ITPR1: variants seen among roughly 807,000 people sequenced by gnomAD.
ITPR1 encodes the protein inositol 1,4,5-trisphosphate-gated calcium channel ITPR1.
Under a neutral mutation model 318.4 loss-of-function variants are expected in ITPR1, and 96 were observed. That is an observed-to-expected ratio of 0.30 (90% CI 0.26 to 0.36). ITPR1 has a LOEUF of 0.36. Ranked by LOEUF, ITPR1 falls within the 10% of genes least tolerant of loss-of-function variation. ITPR1 has a pLI of 1.00. For synonymous variants in ITPR1, 1,312 were observed against 1,289.9 expected (o/e 1.02, Z -0.37); for missense variants, 2,440 against 3,460.2 (o/e 0.71, Z 7.40).
At chr3:4,586,011 C>A (rs575688191) in intron 4 of ITPR1, among the ~76,000 whole-genome samples, 66 of 144,652 alleles carry the variant, frequency 4.6e-4, no homozygotes, top group Admixed American at 1.6e-3. Flanking sequence ...TGAGTGAGAA[C>A]ATGTAGTGTT....
chr3:4,567,930 G>A (rs1460088287), intron 4 of ITPR1, among the ~76,000 whole-genome samples: 1 of 152,162 alleles, frequency 6.6e-6, no homozygotes, highest in Non-Finnish European at 1.5e-5. Flanking sequence ...AGGTGTGAGA[G>A]GTTCAATGAT....
Position 4,702,831 on chromosome 3 carries a change from C to G in ITPR1, c.4538C>G (p.Thr1513Ser). The change falls in exon 36 of 62, where the codon ACT becomes AGT. Residue 1513 changes from threonine to serine, a missense_variant and splice_region_variant. Thr to Ser is a moderately conservative substitution (Grantham distance 58, BLOSUM62 1). Transcript: ENST00000649015. ...PFSDQSTTLQ[T>S]RQPVFVQLLQ... ...GTTGCCTCTTTTGGCTTCTTGCAGA[C>G]TCGCCAGCCTGTCTTTGTGCAACTG... The G allele has an allele frequency of 6.2e-7, 1 of 1,613,594 alleles. No homozygotes were observed. The highest frequency in any genetic ancestry group is 8.5e-7 in the Non-Finnish European group (1 of 1,179,706).
intron 44 of ITPR1, among the ~76,000 whole-genome samples, chr3:4,743,324 CAA>C (rs1280443273): frequency 6.6e-6 from 1 of 152,212 alleles, no homozygotes; most frequent in African/African-American, 2.4e-5. Context: ...GCTCAAAATT[CAA>C]AAGTCGTTAC....
intron 48 of ITPR1, among the ~76,000 whole-genome samples, chr3:4,777,810 A>C (rs1043159536): frequency 2.0e-5 from 3 of 152,154 alleles, no homozygotes; most frequent in Non-Finnish European, 4.4e-5. Context: ...ACCCAAAAAA[A>C]CAAACATGTA....
chr3:4,708,651 T>C lies in ITPR1; in HGVS notation c.4843-1674T>C, dbSNP rs185806022. ...TCAAACATGCTGGTTTCTTGTGCTC[T>C]TCTTAGATTTATTATGCATATTCTT... On this transcript the variant is annotated intron_variant, in intron 37 of 61. Coordinates refer to ENST00000649015, the MANE Select transcript of ITPR1 (RefSeq NM_001378452.1). Among the ~76,000 whole-genome samples, 223 of 152,284 alleles carry C rather than the reference T, an allele frequency of 1.5e-3. 2 individuals are homozygous for C. The highest frequency in any genetic ancestry group is 3.4e-3 in the Middle Eastern group (1 of 294).
At chr3:4,645,797 C>CTA (rs574480843) in intron 10 of ITPR1, 69 bp downstream of exon 10, 8 of 1,420,168 alleles carry the variant, frequency 5.6e-6, no homozygotes, top group Non-Finnish European at 7.8e-6. Context: ...CTCTCTCTCT[C>CTA]TCTATCCTAC....
intron 3 of ITPR1, among the ~76,000 whole-genome samples, chr3:4,517,421 C>A (rs1449378237): frequency 6.6e-6 from 1 of 152,210 alleles, no homozygotes; most frequent in East Asian, 1.9e-4. Flanking sequence ...AGCAGCTTCT[C>A]CAAGAACCTC....
At chr3:4,799,404 G>C (rs145090226) in intron 53 of ITPR1, among the ~76,000 whole-genome samples, 12 of 152,320 alleles carry the variant, frequency 7.9e-5, no homozygotes, top group Middle Eastern at 3.4e-3. Flanking sequence ...GGCTGGGCTG[G>C]GGGGAACAGT....
chr3:4,684,461 T>A, intron 29 of ITPR1, 115 bp downstream of exon 29: 1 of 739,044 alleles, frequency 1.4e-6, no homozygotes, highest in Non-Finnish European at 2.3e-6. Flanking sequence ...TCATGTGGTT[T>A]AACAGGGAGA....
rs73807274 is a variant in ITPR1, at chr3:4,517,544, C to A, written c.92+961C>A. 6.0e-3 allele frequency among the ~76,000 whole-genome samples: 911 copies of A among 152,296 alleles called. 8 individuals carry two copies. The highest frequency in any genetic ancestry group is 0.021 in the African/African-American group (882 of 41,546). ...CTAGGCTCTCATGCAGGTTACTCCA[C>A]ACTCAGGGAGCAAATTATTATAGAT... On this transcript the variant is annotated intron_variant, in intron 3 of 61. Coordinates refer to ENST00000649015, the MANE Select transcript of ITPR1 (RefSeq NM_001378452.1).
At chr3:4,784,684 C>A (rs1328252170) in intron 51 of ITPR1, among the ~76,000 whole-genome samples, 10 of 145,772 alleles carry the variant, frequency 6.9e-5, no homozygotes, top group Admixed American at 4.2e-4. Flanking sequence ...AGTTCAAGAC[C>A]AGCCTGGCCA....
chr3:4,589,232 G>A (rs1370690757), intron 4 of ITPR1, among the ~76,000 whole-genome samples: 3 of 152,082 alleles, frequency 2.0e-5, no homozygotes, highest in African/African-American at 7.2e-5. Flanking sequence ...ATATATATAA[G>A]CAAAAGGTTC....
chr3:4,683,530 G>A lies in ITPR1; in HGVS notation c.3306G>A (p.Glu1102=). 1 of 1,614,002 alleles carries A rather than the reference G, an allele frequency of 6.2e-7. No homozygotes were observed. Among genetic ancestry groups the A allele is most frequent in the Non-Finnish European group, 8.5e-7 (1 of 1,179,846 alleles). The change falls in exon 27 of 62, where the codon GAG becomes GAA. Residue 1102 remains glutamate, a synonymous_variant. Coordinates refer to ENST00000649015, the MANE Select transcript of ITPR1 (RefSeq NM_001378452.1). ...TCCGGCACTTCAGCCAGAGGCAGGA[G>A]GTGCTCCAGGCCTTCAAACAGGTAG... is the stretch of plus-strand genomic sequence containing the variant. ...LLFRHFSQRQ[E]VLQAFKQVQL...
chr3:4,735,631 G>T (rs915955646), intron 44 of ITPR1: 18 of 425,780 alleles, frequency 4.2e-5, no homozygotes, highest in African/African-American at 3.6e-4. Context: ...CACATAGTGG[G>T]CACTCCATAA....
chr3:4,754,056 G>GT lies in ITPR1; in HGVS notation c.5545-12474_5545-12473insT, dbSNP rs879826285. The stretch of plus-strand genomic sequence containing the variant: ...TGCACAAACACAGAAAATGGGGGGG[G>GT]GGTGGCAAGGATTATTCTTGGCATC... On this transcript the variant is annotated intron_variant, in intron 44 of 61. Transcript: ENST00000649015. Among the ~76,000 whole-genome samples, 743 of 132,264 alleles carry GT rather than the reference G, an allele frequency of 5.6e-3. 9 individuals carry two copies. The highest frequency in any genetic ancestry group is 0.015 in the Admixed American group (193 of 13,162). The allele number at this position is 132,264 out of a possible 152,430, so 86.8% of individuals were successfully genotyped here.
At chr3:4,769,986 AC>A (rs2125378885) in intron 46 of ITPR1, among the ~76,000 whole-genome samples, 1 of 152,030 alleles carries the variant, frequency 6.6e-6, no homozygotes, top group Admixed American at 6.5e-5. Context: ...TAGGGAAACC[AC>A]CCCCTTTTTG....
rs532029150 is a variant in ITPR1 at position 4,705,598 on chromosome 3, G to A, written c.4658-569G>A. The stretch of plus-strand genomic sequence containing the variant: ...CAGTCTTGACAAGTACTAGTCAGGA[G>A]TCCTGTAGAGTGTCTCCCATTATGG... On this transcript the variant is annotated intron_variant, in intron 36 of 61. Coordinates refer to ENST00000649015, the MANE Select transcript of ITPR1 (RefSeq NM_001378452.1). Among the ~76,000 whole-genome samples the A allele has an allele frequency of 4.6e-5, 7 of 152,330 alleles. No homozygotes were observed. The South Asian group carries it at 1.4e-3, about 32-fold the overall frequency.
intron 12 of ITPR1, among the ~76,000 whole-genome samples, chr3:4,657,862 C>T (rs1419872824): frequency 6.6e-6 from 1 of 152,156 alleles, no homozygotes; most frequent in Non-Finnish European, 1.5e-5. Context: ...GCCTTGGCCT[C>T]CCCAAGTGCT....
At chr3:4,530,823 T>A (rs1467056452) in intron 4 of ITPR1, among the ~76,000 whole-genome samples, 1 of 152,134 alleles carries the variant, frequency 6.6e-6, no homozygotes, top group Non-Finnish European at 1.5e-5. Flanking sequence ...AGTTGACTCG[T>A]CTTCTCCCTG....
Sources: gnomAD v4.1 joint callset for allele counts (sites outside exome capture counted in the v4.1 genomes callset) on GRCh38, gnomAD v4.1.1 for gene constraint, MANE v1.5 for transcripts, NCBI Gene and HGNC (gene_info 2026-07-23, HGNC 2026-07-21) for gene names.